The following EEIG2 variants were observed in gnomAD, a reference collection of about 807,000 sequenced individuals.
EEIG2 encodes the protein family with sequence similarity 102 member B.
the EEIG2 span, among the ~76,000 whole-genome samples, chr1:108,622,563 A>G: frequency 3.3e-5 from 5 of 152,212 alleles, no homozygotes; most frequent in African/African-American, 4.8e-5. Context: ...GTGGATTGCA[A>G]TGACATTTAC....
At chr1:108,561,708 G>A in the EEIG2 span, among the ~76,000 whole-genome samples, 1 of 152,206 alleles carries the variant, frequency 6.6e-6, no homozygotes, top group African/African-American at 2.4e-5. Flanking sequence ...ACACATCAGT[G>A]GATATTCAGC....
chr1:108,575,076 T>TGTCATATGATAA, the EEIG2 span, among the ~76,000 whole-genome samples: 1 of 152,220 alleles, frequency 6.6e-6, no homozygotes, highest in African/African-American at 2.4e-5. Context: ...AAAATCCCTC[T>TGTCATATGATAA]GTCATATGAT....
chr1:108,591,462 C>T, the EEIG2 span, among the ~76,000 whole-genome samples: 177 of 152,276 alleles, frequency 1.2e-3, no homozygotes, highest in African/African-American at 4.1e-3. Context: ...ACTTCAGTTC[C>T]TATTAAGAAA....
At chr1:108,567,710 G>C in the EEIG2 span, among the ~76,000 whole-genome samples, 1 of 152,188 alleles carries the variant, frequency 6.6e-6, no homozygotes, top group Non-Finnish European at 1.5e-5. Flanking sequence ...TAAGTAAAAT[G>C]CAGCGAGGCA....
At chr1:108,562,070 ATTATC>A in the EEIG2 span, among the ~76,000 whole-genome samples, 1 of 152,194 alleles carries the variant, frequency 6.6e-6, no homozygotes, top group Admixed American at 6.5e-5. Context: ...TTCTAAATAT[ATTATC>A]TTATTTAATT....
chr1:108,579,351 A>G, the EEIG2 span, among the ~76,000 whole-genome samples: 1 of 130,230 alleles, frequency 7.7e-6, no homozygotes, highest in Non-Finnish European at 1.6e-5. Context: ...GAAGGCCATT[A>G]CATAATGGTA....
the EEIG2 span, chr1:108,560,322 G>C: frequency 4.3e-6 from 4 of 919,994 alleles, no homozygotes; most frequent in Non-Finnish European, 5.2e-6. Flanking sequence ...GCGCCCCCGC[G>C]CACAGCTCGC....
the EEIG2 span, chr1:108,634,976 C>T: frequency 1.3e-6 from 1 of 790,060 alleles, no homozygotes; most frequent in South Asian, 1.7e-5. Flanking sequence ...TCCGTGATGC[C>T]TTTAAACGTT....
chr1:108,610,156 T>C, the EEIG2 span, among the ~76,000 whole-genome samples: 1 of 152,204 alleles, frequency 6.6e-6, no homozygotes, highest in Non-Finnish European at 1.5e-5. Context: ...GAGGTTTTGT[T>C]TTGTTTTCTT....
At chr1:108,569,111 C>G in the EEIG2 span, among the ~76,000 whole-genome samples, 1 of 152,134 alleles carries the variant, frequency 6.6e-6, no homozygotes, top group South Asian at 2.1e-4. Flanking sequence ...ATAGACTATG[C>G]TGGGTGCAGC....
At chr1:108,636,901 A>T in the EEIG2 span, 1 of 152,132 alleles carries the variant, frequency 6.6e-6, no homozygotes, top group African/African-American at 2.4e-5. Context: ...GACATTTTTT[A>T]AAAACATATT....
the EEIG2 span, chr1:108,606,375 A>G: frequency 1.9e-6 from 1 of 521,882 alleles, no homozygotes; most frequent in Non-Finnish European, 3.3e-6. Context: ...TTTGTATGCA[A>G]CTTGGAGATT....
chr1:108,635,034 GGGGTAA>G, the EEIG2 span: 1 of 1,492,994 alleles, frequency 6.7e-7, no homozygotes, highest in South Asian at 1.1e-5. Context: ...CATCTCTCCA[GGGGTAA>G]GGTTACTTGG....
the EEIG2 span, among the ~76,000 whole-genome samples, chr1:108,582,966 A>G: frequency 3.4e-5 from 5 of 146,980 alleles, no homozygotes; most frequent in African/African-American, 1.3e-4. Flanking sequence ...AGGTAATATG[A>G]TTTGAACCCC....
chr1:108,599,087 C>A, the EEIG2 span, among the ~76,000 whole-genome samples: 1 of 152,004 alleles, frequency 6.6e-6, no homozygotes, highest in Non-Finnish European at 1.5e-5. Flanking sequence ...ATCTCTTTGG[C>A]CTGAGAGGTC....
the EEIG2 span, among the ~76,000 whole-genome samples, chr1:108,613,118 A>G: frequency 6.6e-6 from 1 of 152,262 alleles, no homozygotes; most frequent in Non-Finnish European, 1.5e-5. Context: ...AGCTGGAAAG[A>G]AAGGTGGGAC....
At chr1:108,580,452 G>A in the EEIG2 span, among the ~76,000 whole-genome samples, 2 of 152,172 alleles carry the variant, frequency 1.3e-5, no homozygotes, top group African/African-American at 4.8e-5. Context: ...CAATGATTAA[G>A]CTTAGTGAGG....
At chr1:108,618,881 C>T in the EEIG2 span, among the ~76,000 whole-genome samples, 1 of 151,954 alleles carries the variant, frequency 6.6e-6, no homozygotes. Flanking sequence ...ACACATCTTC[C>T]TATAACTTAG....
chr1:108,586,408 T>C, the EEIG2 span, among the ~76,000 whole-genome samples: 7 of 152,096 alleles, frequency 4.6e-5, no homozygotes, highest in South Asian at 2.1e-4. Flanking sequence ...AGACAACATA[T>C]GTTTACCAAT....
Sources: allele counts gnomAD v4.1 joint callset (sites outside exome capture counted in the v4.1 genomes callset), GRCh38; gene constraint gnomAD v4.1.1; transcripts MANE v1.5; gene names NCBI Gene and HGNC (gene_info 2026-07-23, HGNC 2026-07-21).